The following CTNNBL1 variants were observed in gnomAD, a reference collection of about 807,000 sequenced individuals.
The protein encoded by CTNNBL1 is catenin beta like 1.
A neutral mutation model predicts 72.7 loss-of-function variants in CTNNBL1; 31 were observed. The ratio of observed to expected loss-of-function variants is 0.43; its 90% CI spans 0.32 to 0.58. The LOEUF is 0.58. CTNNBL1 is among the 20% of genes least tolerant of loss of function. The pLI is 0.08. For synonymous variants in CTNNBL1, 240 were observed against 267.3 expected (o/e 0.90, Z 1.00); for missense variants, 534 against 725.1 (o/e 0.74, Z 3.03).
intron 10 of CTNNBL1, among the ~76,000 whole-genome samples, chr20:37,783,014 T>C (rs1251259443): frequency 2.6e-5 from 4 of 152,314 alleles, no homozygotes; most frequent in African/African-American, 9.6e-5. Flanking sequence ...GGATGATGTA[T>C]ATACAGATTC....
chr20:37,786,651 CT>C lies in CTNNBL1; in HGVS notation c.1031+7319del, dbSNP rs988044947. On this transcript the variant is annotated intron_variant, in intron 10 of 15. Coordinates refer to ENST00000361383, the MANE Select transcript of CTNNBL1 (RefSeq NM_030877.5). ...TGTAGCATTTTGTATATTTGTATAC[CT>C]TTCCCCCGCCTTTAATTCTTTTTTT... Among the ~76,000 whole-genome samples the C allele has an allele frequency of 3.0e-4, 45 of 151,880 alleles. 1 individual carries two copies. Among genetic ancestry groups the C allele is most frequent in the Non-Finnish European group, 4.6e-4 (31 of 67,960 alleles).
intron 13 of CTNNBL1, among the ~76,000 whole-genome samples, chr20:37,856,565 G>A (rs141299982): frequency 2.0e-5 from 3 of 152,234 alleles, no homozygotes; most frequent in Non-Finnish European, 4.4e-5. Flanking sequence ...GGGCTGGGGT[G>A]AGGGGGAGTG....
At chr20:37,727,429 A>C in intron 1 of CTNNBL1, 3 of 816,798 alleles carry the variant, frequency 3.7e-6, no homozygotes, top group Non-Finnish European at 4.4e-6. Flanking sequence ...TATCCTAGAA[A>C]GGCTACCAGC....
intron 15 of CTNNBL1, among the ~76,000 whole-genome samples, chr20:37,862,357 A>G (rs1444479309): frequency 6.6e-6 from 1 of 152,130 alleles, no homozygotes; most frequent in Non-Finnish European, 1.5e-5. Context: ...TTCTCCCTGC[A>G]CCTCCATCCT....
chr20:37,699,993 C>T (rs766326070), intron 1 of CTNNBL1, among the ~76,000 whole-genome samples: 109 of 152,230 alleles, frequency 7.2e-4, no homozygotes, highest in African/African-American at 1.7e-3. Flanking sequence ...ATTAAGTACG[C>T]GACTCTCTCT....
rs1477111363 is a variant in CTNNBL1 at position 37,757,548 on chromosome 20, A to T, written c.467-11A>T. The T allele has an allele frequency of 6.2e-7, 1 of 1,603,732 alleles. No homozygotes were observed. Among genetic ancestry groups the T allele is most frequent in the Non-Finnish European group, 8.5e-7 (1 of 1,170,802 alleles). ...TTTCAGTATGTGTGTTATACCCTTA[A>T]CATTTTTCACATGTGTCCATAGCTG... On this transcript the variant is annotated splice_polypyrimidine_tract_variant and intron_variant, in intron 4 of 15. Coordinates refer to ENST00000361383, the MANE Select transcript of CTNNBL1 (RefSeq NM_030877.5).
At chr20:37,869,015 C>T (rs560306540) in intron 15 of CTNNBL1, among the ~76,000 whole-genome samples, 1 of 152,326 alleles carries the variant, frequency 6.6e-6, no homozygotes, top group African/African-American at 2.4e-5. Flanking sequence ...TTACACACAG[C>T]CCCAGAGCCT....
intron 13 of CTNNBL1, among the ~76,000 whole-genome samples, chr20:37,842,939 G>C (rs2072317293): frequency 6.6e-6 from 1 of 152,206 alleles, no homozygotes; most frequent in Admixed American, 6.5e-5. Flanking sequence ...AGGTTCTGAA[G>C]GGCTGACCCT....
At chr20:37,844,566 A>T (rs1013228990) in intron 13 of CTNNBL1, among the ~76,000 whole-genome samples, 7 of 152,190 alleles carry the variant, frequency 4.6e-5, no homozygotes, top group African/African-American at 1.7e-4. Context: ...TGGATAATCG[A>T]GGTGACCTTC....
intron 10 of CTNNBL1, among the ~76,000 whole-genome samples, chr20:37,792,184 A>G (rs1404307086): frequency 2.0e-5 from 3 of 151,936 alleles, no homozygotes; most frequent in African/African-American, 2.4e-5. Context: ...ATCTGTGCCT[A>G]TTTTTCTCTG....
At chr20:37,759,082 A>G (rs893352628) in intron 5 of CTNNBL1, among the ~76,000 whole-genome samples, 4 of 152,246 alleles carry the variant, frequency 2.6e-5, no homozygotes, top group African/African-American at 9.6e-5. Flanking sequence ...AGGGCCATTT[A>G]TGACCGAATA....
Position 37,737,437 on chromosome 20 carries a change from A to G in CTNNBL1, c.279A>G (p.Ser93=), listed in dbSNP as rs11549311. 1 of 1,613,748 alleles carries G rather than the reference A, an allele frequency of 6.2e-7. No individual in the cohort carries two copies. The highest frequency in any genetic ancestry group is 8.5e-7 in the Non-Finnish European group (1 of 1,179,770). ...TGATCCTCACATTTGAAAAGAGATC[A>G]TATAAAAACCAAGAATTGCGGATTA... The part of the protein sequence containing the change: ...KKMILTFEKR[S]YKNQELRIKF... Residue 93 remains serine (S), a synonymous_variant, in exon 3 of 16, where the codon TCA becomes TCG. Transcript: ENST00000361383.
chr20:37,824,993 G>A lies in CTNNBL1; in HGVS notation c.1214-15109G>A, dbSNP rs547920289. On this transcript the variant is annotated intron_variant, in intron 11 of 15. Coordinates refer to ENST00000361383, the MANE Select transcript of CTNNBL1 (RefSeq NM_030877.5). ...ATCATACCTAACTATAAGGGAGGTT[G>A]TTGTGTATGTGCTTTTTAAGCTGGT... Among the ~76,000 whole-genome samples the A allele has an allele frequency of 3.3e-5, 5 of 152,344 alleles. No individual in the cohort carries two copies. In the South Asian group the frequency reaches 1.0e-3, roughly 32 times the overall value.
chr20:37,835,762 C>A (rs1472734480), intron 11 of CTNNBL1, among the ~76,000 whole-genome samples: 1 of 152,066 alleles, frequency 6.6e-6, no homozygotes, highest in Non-Finnish European at 1.5e-5. Flanking sequence ...CCTAAAATAC[C>A]CATGAATGGG....
intron 3 of CTNNBL1, among the ~76,000 whole-genome samples, chr20:37,741,376 T>C (rs1001966633): frequency 1.3e-5 from 2 of 152,214 alleles, no homozygotes; most frequent in African/African-American, 4.8e-5. Flanking sequence ...CATTGAGTAC[T>C]TGTATGTGCC....
chr20:37,863,901 G>A (rs905231838), intron 15 of CTNNBL1, among the ~76,000 whole-genome samples: 1 of 152,300 alleles, frequency 6.6e-6, no homozygotes, highest in East Asian at 1.9e-4. Context: ...TAGATGGAAG[G>A]TTGTCATAAA....
chr20:37,825,841 A>G lies in CTNNBL1; in HGVS notation c.1214-14261A>G, dbSNP rs1433826660. Among the ~76,000 whole-genome samples, 3 of 152,192 alleles carry G rather than the reference A, an allele frequency of 2.0e-5. No homozygotes were observed. In the East Asian group the frequency reaches 5.8e-4, roughly 29 times the overall value. On this transcript the variant is annotated intron_variant, in intron 11 of 15. Transcript: ENST00000361383. ...CAGCTCATACTTCATGGTGCTCCCC[A>G]GAATTAGCATTTTTCCTCAGTCCAC...
At chr20:37,763,916 C>A (rs1180451895) in intron 5 of CTNNBL1, among the ~76,000 whole-genome samples, 11 of 152,158 alleles carry the variant, frequency 7.2e-5, no homozygotes, top group African/African-American at 2.7e-4. Context: ...TTAAATCTAG[C>A]AAGATTTACT....
At chr20:37,700,689 C>T (rs986938172) in intron 1 of CTNNBL1, among the ~76,000 whole-genome samples, 1 of 152,112 alleles carries the variant, frequency 6.6e-6, no homozygotes, top group East Asian at 1.9e-4. Flanking sequence ...CTGGCATAGG[C>T]GCATATATGA....
Sources: allele counts gnomAD v4.1 joint callset (sites outside exome capture counted in the v4.1 genomes callset), GRCh38; gene constraint gnomAD v4.1.1; transcripts MANE v1.5; gene names NCBI Gene and HGNC (gene_info 2026-07-23, HGNC 2026-07-21).